MAEA: variants seen among roughly 807,000 people sequenced by gnomAD.
MAEA encodes the protein macrophage erythroblast attacher, E3 ubiquitin ligase, also known as E3 ubiquitin-protein transferase MAEA.
Under a neutral mutation model 46.2 loss-of-function variants are expected in MAEA, and 22 were observed. The ratio of observed to expected loss-of-function variants is 0.48; its 90% CI spans 0.34 to 0.68. The LOEUF is 0.68. Ranked by LOEUF, MAEA falls within the 30% of genes least tolerant of loss-of-function variation. MAEA has a pLI of 0.01. For missense variants in MAEA, 393 were observed against 558.1 expected (o/e 0.70, Z 2.98); for synonymous variants, 246 against 222.6 (o/e 1.11, Z -0.94).
chr4:1,290,087 G>T lies in MAEA; in HGVS notation c.69+105G>T, dbSNP rs1337519320. ...GGAGGGCCAGCGGCGAGGGCGGCGGGAGCTGGGCGCGGCCTCGCGGGGCCG... is the reference window on the plus strand; with the variant it reads ...GGAGGGCCAGCGGCGAGGGCGGCGGTAGCTGGGCGCGGCCTCGCGGGGCCG... On this transcript the variant is annotated intron_variant, in intron 1 of 8. Transcript: ENST00000303400. The T allele has an allele frequency of 5.1e-6, 4 of 792,026 alleles. No individual in the cohort carries two copies. The African/African-American group carries it at 5.6e-5, about 11-fold the overall frequency. 49.1% of individuals were successfully genotyped at this position (792,026 alleles called of 1,614,324 possible). A position where few individuals can be genotyped will look rare whatever the true frequency, so the allele number is the denominator to read the frequency against.
rs147400382 is a variant in MAEA, at chr4:1,312,678, C to T, written c.252+517C>T. On this transcript the variant is annotated intron_variant, in intron 2 of 8. Transcript: ENST00000303400. ...CTCCTGACCTCAGGTGATTCACCTGCCTTGGCCTCCCAAAGCTGAAATTAC... is the reference window on the plus strand; with the variant it reads ...CTCCTGACCTCAGGTGATTCACCTGTCTTGGCCTCCCAAAGCTGAAATTAC... The T allele has an allele frequency of 3.7e-3, 595 of 159,490 alleles. 6 individuals are homozygous for T. The highest frequency in any genetic ancestry group is 0.014 in the African/African-American group (568 of 41,512). The allele number at this position is 159,490 out of a possible 1,614,324, so 9.9% of individuals were successfully genotyped here.
intron 1 of MAEA, among the ~76,000 whole-genome samples, chr4:1,300,559 G>A (rs11247986): frequency 0.35 from 53,694 of 152,280 alleles, 11,364 homozygotes; most frequent in Non-Finnish European, 0.48. Flanking sequence ...GCACTGGACC[G>A]CGTGGGGCAC....
At chr4:1,307,804 C>G (rs988533133) in intron 1 of MAEA, among the ~76,000 whole-genome samples, 2 of 152,172 alleles carry the variant, frequency 1.3e-5, no homozygotes, top group Non-Finnish European at 2.9e-5. Context: ...CAGGAAATTG[C>G]TTATCCTCTG....
intron 5 of MAEA, chr4:1,330,240 C>T (rs914912770): frequency 2.2e-5 from 15 of 674,880 alleles, no homozygotes; most frequent in East Asian, 1.3e-4. Context: ...TGAGCAGCTC[C>T]GTGCCGTCTG....
At chr4:1,330,195 G>A (rs1711514855) in intron 5 of MAEA, 6 of 964,162 alleles carry the variant, frequency 6.2e-6, no homozygotes, top group South Asian at 4.8e-5. Context: ...GACCCCAGGC[G>A]GCTGGGACCT....
At chr4:1,291,659 G>C (rs1239377088) in intron 1 of MAEA, among the ~76,000 whole-genome samples, 1 of 152,198 alleles carries the variant, frequency 6.6e-6, no homozygotes, top group Non-Finnish European at 1.5e-5. Flanking sequence ...ACTGGCTGGT[G>C]AATGTGGGAA....
At chr4:1,312,202 G>A (rs1258147095) in intron 2 of MAEA, 41 bp downstream of exon 2, 2 of 1,609,904 alleles carry the variant, frequency 1.2e-6, no homozygotes, top group East Asian at 2.2e-5. Flanking sequence ...CTGGGGCATG[G>A]ACACCCCTTT....
intron 5 of MAEA, chr4:1,328,648 G>T: frequency 3.9e-6 from 5 of 1,275,386 alleles, no homozygotes; most frequent in East Asian, 5.7e-5. Context: ...CCGGGTGGCC[G>T]AGTGTTCCAC....
Position 1,317,785 on chromosome 4 carries a change from C to T in MAEA, c.456+2185C>T, listed in dbSNP as rs575178706. On this transcript the variant is annotated intron_variant, in intron 3 of 8. Coordinates refer to ENST00000303400, the MANE Select transcript of MAEA (RefSeq NM_001017405.3). ...GATGGCAAAGTGCACTGATCCTCTG[C>T]GGTGACCGGGGCTGGTGCCCCTGGG... Among the ~76,000 whole-genome samples the T allele has an allele frequency of 9.2e-5, 14 of 152,310 alleles. 1 individual carries two copies. Among genetic ancestry groups the T allele is most frequent in the South Asian group, 2.1e-4 (1 of 4,824 alleles).
intron 1 of MAEA, among the ~76,000 whole-genome samples, chr4:1,309,247 T>C (rs1736133979): frequency 6.6e-6 from 1 of 152,216 alleles, no homozygotes; most frequent in African/African-American, 2.4e-5. Flanking sequence ...TTGTCCTCAT[T>C]CTTGAGTGAT....
rs573142845 is a variant in MAEA, at chr4:1,338,711, C to T, written c.1095+94C>T. 2.7e-4 allele frequency: 329 copies of T among 1,216,132 alleles called. 1 individual carries two copies. The African/African-American group carries it at 3.5e-3, about 13-fold the overall frequency. The allele number at this position is 1,216,132 out of a possible 1,614,324, so 75.3% of individuals were successfully genotyped here. A position where few individuals can be genotyped will look rare whatever the true frequency, so the allele number is the denominator to read the frequency against. On this transcript the variant is annotated intron_variant, in intron 8 of 8. Coordinates refer to ENST00000303400, the MANE Select transcript of MAEA (RefSeq NM_001017405.3). Reference sequence around the variant, plus strand: ...GCAGGGCAGGGGGGCCAGGCTGGCACGCATCGCCATCGGGACAGGGCTGTG... The same window carrying T: ...GCAGGGCAGGGGGGCCAGGCTGGCATGCATCGCCATCGGGACAGGGCTGTG...
At chr4:1,308,619 C>T (rs150575106) in intron 1 of MAEA, among the ~76,000 whole-genome samples, 1 of 152,224 alleles carries the variant, frequency 6.6e-6, no homozygotes, top group East Asian at 1.9e-4. Context: ...CTAACGGGCA[C>T]GAGGTGATGC....
At chr4:1,321,759 C>G (rs1015311897) in intron 3 of MAEA, among the ~76,000 whole-genome samples, 3 of 152,174 alleles carry the variant, frequency 2.0e-5, no homozygotes, top group African/African-American at 7.2e-5. Flanking sequence ...CAGCTGCTGT[C>G]CTGCCCCTGC....
At chr4:1,309,466 G>A in intron 1 of MAEA, 5 of 1,313,966 alleles carry the variant, frequency 3.8e-6, no homozygotes, top group Non-Finnish European at 4.9e-6. Flanking sequence ...TGGGGGGCGT[G>A]GATGTGGGGA....
chr4:1,309,818 G>A (rs1736256224), intron 1 of MAEA: 3 of 1,374,550 alleles, frequency 2.2e-6, no homozygotes, highest in Non-Finnish European at 2.8e-6. Flanking sequence ...CCTGTCTGCA[G>A]CACACCAGCT....
chr4:1,323,704 T>C (rs1738436501), intron 4 of MAEA: 1 of 679,504 alleles, frequency 1.5e-6, no homozygotes, highest in Non-Finnish European at 2.7e-6. Context: ...CCAGGGCTGT[T>C]TCCTGTGGAT....
chr4:1,297,187 A>ATG (rs1247544552), intron 1 of MAEA, among the ~76,000 whole-genome samples: 2 of 152,228 alleles, frequency 1.3e-5, no homozygotes, highest in Admixed American at 6.5e-5. Context: ...GTTGACAGCG[A>ATG]TGTCCCCCGG....
chr4:1,327,985 C>T (rs921186140), intron 5 of MAEA, among the ~76,000 whole-genome samples: 2 of 152,214 alleles, frequency 1.3e-5, no homozygotes, highest in African/African-American at 4.8e-5. Context: ...GAGGTCCCGA[C>T]CGTCCACGTA....
At chr4:1,292,899 T>C (rs1409047560) in intron 1 of MAEA, among the ~76,000 whole-genome samples, 2 of 149,316 alleles carry the variant, frequency 1.3e-5, no homozygotes, top group African/African-American at 4.9e-5. Flanking sequence ...TTTTTTTTTT[T>C]TTTTTCTTTT....
Sources: gnomAD v4.1 joint callset for allele counts (sites outside exome capture counted in the v4.1 genomes callset) on GRCh38, gnomAD v4.1.1 for gene constraint, MANE v1.5 for transcripts, NCBI Gene and HGNC (gene_info 2026-07-23, HGNC 2026-07-21) for gene names.